Variants in NF1 observed in about 807,000 individuals in gnomAD.
The protein encoded by NF1 is neurofibromin 1.
A neutral mutation model predicts 325.7 loss-of-function variants in NF1; 122 were observed. The observed-to-expected ratio is 0.37, with a 90% CI of 0.32 to 0.44. The LOEUF is 0.44. Among genes scored for constraint, NF1 ranks in the 20% least tolerant of loss-of-function variants. The pLI is 1.00. For synonymous variants in NF1, 1,091 were observed against 1,186.0 expected (o/e 0.92, Z 1.65); for missense variants, 2,140 against 3,415.4 (o/e 0.63, Z 9.31).
chr17:31,099,905 A>G (rs867866562), intron 1 of NF1, among the ~76,000 whole-genome samples: 3 of 152,044 alleles, frequency 2.0e-5, no homozygotes, highest in South Asian at 2.1e-4. Flanking sequence ...TTTCTAAGCA[A>G]ATTAGAACCT....
intron 1 of NF1, among the ~76,000 whole-genome samples, chr17:31,134,939 G>A (rs571746916): frequency 2.6e-5 from 4 of 152,252 alleles, no homozygotes; most frequent in African/African-American, 9.6e-5. Context: ...TGACACACGG[G>A]TGTGGATATC....
chr17:31,230,175 GT>G (rs2067088493), intron 22 of NF1, 84 bp from the exon 23 acceptor site: 1 of 1,507,368 alleles, frequency 6.6e-7, no homozygotes, highest in Non-Finnish European at 9.1e-7. Context: ...CATTTAATTC[GT>G]TTTACTTGAT....
chr17:31,310,671 C>T (rs2068849091), intron 36 of NF1, among the ~76,000 whole-genome samples: 1 of 151,950 alleles, frequency 6.6e-6, no homozygotes, highest in Admixed American at 6.6e-5. Flanking sequence ...AGAAGCATAC[C>T]TAGCAATTAT....
chr17:31,119,119 CT>C (rs1343910959), intron 1 of NF1, among the ~76,000 whole-genome samples: 2 of 151,820 alleles, frequency 1.3e-5, no homozygotes, highest in African/African-American at 4.8e-5. Flanking sequence ...TTTTTTGTAT[CT>C]TTAGTAGAGA....
intron 5 of NF1, among the ~76,000 whole-genome samples, chr17:31,179,251 C>A (rs771067770): frequency 2.0e-5 from 3 of 152,182 alleles, no homozygotes; most frequent in Non-Finnish European, 4.4e-5. Flanking sequence ...ACAACCTGCT[C>A]CTGAATGACT....
intron 48 of NF1, among the ~76,000 whole-genome samples, chr17:31,346,433 CAAGA>C (rs1334888279): frequency 2.0e-5 from 3 of 149,998 alleles, no homozygotes; most frequent in African/African-American, 4.9e-5. Context: ...AAGCCCATCA[CAAGA>C]AAGCAAGTAC....
At chr17:31,244,362 C>G (rs1003551651) in intron 29 of NF1, among the ~76,000 whole-genome samples, 1 of 152,098 alleles carries the variant, frequency 6.6e-6, no homozygotes, top group Non-Finnish European at 1.5e-5. Flanking sequence ...TGGCTCTGAG[C>G]CCAGCACAGC....
intron 36 of NF1, among the ~76,000 whole-genome samples, chr17:31,280,443 G>A (rs2151484544): frequency 6.7e-6 from 1 of 148,600 alleles, no homozygotes; most frequent in African/African-American, 2.5e-5. Flanking sequence ...CTTGAACCCG[G>A]GAGGCAGAGG....
chr17:31,337,638 T>G, intron 43 of NF1, 56 bp downstream of exon 43: 1 of 1,499,730 alleles, frequency 6.7e-7, no homozygotes, highest in East Asian at 2.4e-5. Context: ...AAAAATATGT[T>G]AATACTATAT....
At chr17:31,302,253 A>G (rs2068590345) in intron 36 of NF1, among the ~76,000 whole-genome samples, 1 of 152,230 alleles carries the variant, frequency 6.6e-6, no homozygotes, top group African/African-American at 2.4e-5. Context: ...ATATCAGACA[A>G]CACTGTGGTC....
In NF1 at chr17:31,318,632, C is replaced by T. The variant is rs374262411; in HGVS notation, c.4836-7188C>T. The T allele has an allele frequency of 2.3e-5, 37 of 1,613,948 alleles. No homozygotes were observed. The highest frequency in any genetic ancestry group is 3.1e-5 in the Non-Finnish European group (37 of 1,179,994). Reference sequence around the variant, plus strand: ...AGCATAGCCATGTTGTTGTTGTTTTCCGCACAGACATCCTTTTTGAAAATT... The same window carrying T: ...AGCATAGCCATGTTGTTGTTGTTTTTCGCACAGACATCCTTTTTGAAAATT... On this transcript the variant is annotated intron_variant, in intron 36 of 57. Coordinates refer to ENST00000358273, the MANE Select transcript of NF1 (RefSeq NM_001042492.3).
chr17:31,289,762 T>C (rs536795525), intron 36 of NF1, among the ~76,000 whole-genome samples: 1 of 152,286 alleles, frequency 6.6e-6, no homozygotes, highest in Admixed American at 6.5e-5. Context: ...TGCTGTGATT[T>C]ACCTATAGGC....
chr17:31,133,617 C>T (rs1378927852), intron 1 of NF1: 1 of 151,738 alleles, frequency 6.6e-6, no homozygotes, highest in Non-Finnish European at 1.5e-5. Context: ...ACAAGGGTTC[C>T]AATTTCTCCA....
chr17:31,258,265 T>G (rs2151461446), intron 31 of NF1, 79 bp from the exon 32 acceptor site: 1 of 1,499,244 alleles, frequency 6.7e-7, no homozygotes, highest in Non-Finnish European at 9.3e-7. Flanking sequence ...TTATGCAAAG[T>G]TTGACCTTTG....
chr17:31,227,706 T>C (rs1307664448), intron 20 of NF1, 100 bp downstream of exon 20: 5 of 1,031,848 alleles, frequency 4.8e-6, no homozygotes, highest in African/African-American at 1.6e-5. Flanking sequence ...AGTAAACATA[T>C]AGCTGTGTGA....
At chr17:31,219,300 T>G (rs552252031) in intron 14 of NF1, 182 bp downstream of exon 14, 1 of 536,338 alleles carries the variant, frequency 1.9e-6, no homozygotes, top group African/African-American at 1.9e-5. Flanking sequence ...ACTTGCTTTG[T>G]ATCACATAGC....
At chr17:31,276,911 T>C (rs1471011827) in intron 36 of NF1, among the ~76,000 whole-genome samples, 2 of 140,914 alleles carry the variant, frequency 1.4e-5, no homozygotes, top group Non-Finnish European at 3.2e-5. Flanking sequence ...TACGTATAAC[T>C]TTTGCCTCCC....
At position 31,260,518 on chromosome 17, in the gene NF1, A is replaced by G. The variant is rs1060500246; in HGVS notation, c.4577+3A>G. The G allele has an allele frequency of 9.3e-6, 15 of 1,613,716 alleles. No individual in the cohort carries two copies. The East Asian group carries it at 3.1e-4, about 34-fold the overall frequency. ...GGGCAGTATCTTTCCAGCAACAGGTAAGATTTCCCAGTCATGGGGATAGTG... is the reference window on the plus strand; with the variant it reads ...GGGCAGTATCTTTCCAGCAACAGGTGAGATTTCCCAGTCATGGGGATAGTG... On this transcript the variant is annotated splice_donor_region_variant and intron_variant, in intron 34 of 57. Transcript: ENST00000358273.
chr17:31,264,090 G>T (rs1465141546), intron 35 of NF1, among the ~76,000 whole-genome samples: 1 of 152,100 alleles, frequency 6.6e-6, no homozygotes, highest in Non-Finnish European at 1.5e-5. Context: ...AGGTGTAAAA[G>T]AAAATATGTG....
Sources: gnomAD v4.1 joint callset for allele counts (sites outside exome capture counted in the v4.1 genomes callset) on GRCh38, gnomAD v4.1.1 for gene constraint, MANE v1.5 for transcripts, NCBI Gene and HGNC (gene_info 2026-07-23, HGNC 2026-07-21) for gene names.